The following EXOC6B variants were observed in gnomAD, a reference collection of about 807,000 sequenced individuals.
EXOC6B encodes the protein SEC15 homolog B.
A neutral mutation model predicts 113.5 loss-of-function variants in EXOC6B; 54 were observed. That is an observed-to-expected ratio of 0.48 (90% CI 0.38 to 0.60). EXOC6B has a LOEUF of 0.60. Among genes scored for constraint, EXOC6B ranks in the 20% least tolerant of loss-of-function variants. EXOC6B has a pLI of 0.00. For synonymous variants in EXOC6B, 357 were observed against 339.0 expected, an observed-to-expected ratio of 1.05 and a Z score of -0.58; for missense variants, 797 against 977.5, an observed-to-expected ratio of 0.82 and a Z score of 2.46.
rs571759428 is a variant in EXOC6B, at chr2:72,520,078, C to G, written c.916-4952G>C. ...AACCCTTTTAATTCTTCAGTTAGCA[C>G]GTATCTCCATCTGATATTGTTTACT... On this transcript the variant is annotated intron_variant, in intron 8 of 21. Coordinates refer to ENST00000272427, the MANE Select transcript of EXOC6B (RefSeq NM_015189.3). Among the ~76,000 whole-genome samples the G allele has an allele frequency of 2.0e-5, 3 of 152,248 alleles. No homozygotes were observed. The South Asian group carries it at 6.2e-4, about 32-fold the overall frequency.
At chr2:72,753,777 G>A (rs1682212464) in intron 1 of EXOC6B, among the ~76,000 whole-genome samples, 2 of 152,202 alleles carry the variant, frequency 1.3e-5, no homozygotes, top group South Asian at 4.1e-4. Context: ...CTTGAGTGTA[G>A]CATGTATTCC....
chr2:72,634,171 T>C (rs954233634), intron 6 of EXOC6B, among the ~76,000 whole-genome samples: 9 of 152,142 alleles, frequency 5.9e-5, no homozygotes, highest in African/African-American at 2.2e-4. Context: ...ACTAGTAAGA[T>C]ACAGGCAGCT....
chr2:72,743,101 C>A (rs1341292755), intron 1 of EXOC6B, among the ~76,000 whole-genome samples: 1 of 152,140 alleles, frequency 6.6e-6, no homozygotes, highest in Admixed American at 6.6e-5. Context: ...ATCACATACC[C>A]TATCCAATAC....
intron 19 of EXOC6B, among the ~76,000 whole-genome samples, chr2:72,357,951 T>C (rs1690069349): frequency 6.6e-6 from 1 of 152,066 alleles, no homozygotes; most frequent in Non-Finnish European, 1.5e-5. Context: ...GAAACCACCT[T>C]ACGAAGCACT....
At chr2:72,654,114 C>T (rs1244724177) in intron 6 of EXOC6B, among the ~76,000 whole-genome samples, 1 of 152,010 alleles carries the variant, frequency 6.6e-6, no homozygotes, top group East Asian at 1.9e-4. Flanking sequence ...GGACTATAGG[C>T]GCCCACCATC....
chr2:72,450,184 C>T (rs1266050859), intron 18 of EXOC6B, among the ~76,000 whole-genome samples: 1 of 152,074 alleles, frequency 6.6e-6, no homozygotes, highest in East Asian at 1.9e-4. Context: ...AATTCCCATA[C>T]CCTATTTATG....
chr2:72,587,159 A>T (rs1050501488), intron 6 of EXOC6B, among the ~76,000 whole-genome samples: 3 of 152,198 alleles, frequency 2.0e-5, no homozygotes, highest in Admixed American at 2.0e-4. Flanking sequence ...TGTGGAATCA[A>T]CCTAGGTGCC....
At chr2:72,661,850 T>G (rs989618630) in intron 6 of EXOC6B, among the ~76,000 whole-genome samples, 21 of 152,064 alleles carry the variant, frequency 1.4e-4, no homozygotes, top group African/African-American at 5.1e-4. Context: ...GGGAAAGGGA[T>G]AGATACCAGT....
intron 20 of EXOC6B, among the ~76,000 whole-genome samples, chr2:72,217,658 G>T (rs1265725063): frequency 6.6e-6 from 1 of 152,196 alleles, no homozygotes; most frequent in African/African-American, 2.4e-5. Flanking sequence ...CCAGACACAA[G>T]AGTGGAGGTC....
At chr2:72,600,511 T>C (rs1317725497) in intron 6 of EXOC6B, among the ~76,000 whole-genome samples, 1 of 117,248 alleles carries the variant, frequency 8.5e-6, no homozygotes, top group Non-Finnish European at 1.8e-5. Context: ...AACAGAAAAA[T>C]AAATCAAAAG....
In EXOC6B at chr2:72,381,519, A is replaced by G. The variant is rs1691676060; in HGVS notation, c.1981-1649T>C. ...TATGCTGGGCCAGGGTCTTCAATGA[A>G]TCTAGCAGGCTTTAAAGAGAAAAAC... On this transcript the variant is annotated intron_variant, in intron 18 of 21. Transcript: ENST00000272427. 2.0e-5 allele frequency among the ~76,000 whole-genome samples: 3 copies of G among 152,284 alleles called. No homozygotes were observed. The South Asian group carries it at 6.2e-4, about 32-fold the overall frequency.
intron 18 of EXOC6B, among the ~76,000 whole-genome samples, chr2:72,398,587 C>T (rs1692908780): frequency 6.6e-6 from 1 of 151,604 alleles, no homozygotes; most frequent in Non-Finnish European, 1.5e-5. Flanking sequence ...ATCCCAGCTA[C>T]TTAGGTGGCT....
intron 11 of EXOC6B, among the ~76,000 whole-genome samples, chr2:72,511,984 C>A (rs186183030): frequency 2.6e-5 from 4 of 152,054 alleles, no homozygotes; most frequent in African/African-American, 9.7e-5. Context: ...GTCATTGACT[C>A]CTCACTATTA....
intron 19 of EXOC6B, among the ~76,000 whole-genome samples, chr2:72,339,848 T>A (rs764336925): frequency 6.6e-6 from 1 of 152,082 alleles, no homozygotes; most frequent in Non-Finnish European, 1.5e-5. Flanking sequence ...AGAAAGAAAA[T>A]CACTAATATA....
rs1401433974 is a variant in EXOC6B, at chr2:72,778,264, A to G, written c.114-36795T>C. 1.3e-5 allele frequency among the ~76,000 whole-genome samples: 2 copies of G among 152,216 alleles called. 1 individual carries two copies. The highest frequency in any genetic ancestry group is 2.9e-5 in the Non-Finnish European group (2 of 68,032). ...TAAAACACTCACTTTAGATCCCAAG[A>G]TAGAAATAGGTTGGAAGTGAAAGGA... On this transcript the variant is annotated intron_variant, in intron 1 of 21. Coordinates refer to ENST00000272427, the MANE Select transcript of EXOC6B (RefSeq NM_015189.3).
At chr2:72,757,108 A>C (rs1044932610) in intron 1 of EXOC6B, among the ~76,000 whole-genome samples, 1 of 152,190 alleles carries the variant, frequency 6.6e-6, no homozygotes, top group Non-Finnish European at 1.5e-5. Context: ...AATAAAATGC[A>C]TTTAAGAATC....
chr2:72,407,501 A>C (rs913726640), intron 18 of EXOC6B, among the ~76,000 whole-genome samples: 1 of 152,186 alleles, frequency 6.6e-6, no homozygotes, highest in Admixed American at 6.5e-5. Context: ...GCAGCACATC[A>C]AAAACTTATA....
At chr2:72,744,601 A>G (rs1681573290) in intron 1 of EXOC6B, among the ~76,000 whole-genome samples, 1 of 152,172 alleles carries the variant, frequency 6.6e-6, no homozygotes, top group African/African-American at 2.4e-5. Context: ...AAACTCCTCA[A>G]TATAAATTGC....
chr2:72,359,763 G>A (rs1317786206), intron 19 of EXOC6B, among the ~76,000 whole-genome samples: 2 of 152,096 alleles, frequency 1.3e-5, no homozygotes, highest in Admixed American at 6.5e-5. Flanking sequence ...CAAATCTCAC[G>A]TTGAAACATG....
Sources: allele counts gnomAD v4.1 joint callset (sites outside exome capture counted in the v4.1 genomes callset), GRCh38; gene constraint gnomAD v4.1.1; transcripts MANE v1.5; gene names NCBI Gene and HGNC (gene_info 2026-07-23, HGNC 2026-07-21).